SDCCAG8: variants seen among roughly 807,000 people sequenced by gnomAD.
SDCCAG8 encodes the protein SHH signaling and ciliogenesis regulator SDCCAG8, also known as serologically defined colon cancer antigen 8.
In SDCCAG8, 74 loss-of-function variants were observed where a neutral mutation model predicts 101.8. The observed-to-expected ratio is 0.73, with a 90% CI of 0.60 to 0.88. The LOEUF is 0.88. Among genes scored for constraint, SDCCAG8 ranks in the 40% least tolerant of loss-of-function variants. SDCCAG8 has a pLI of 0.00. For missense variants in SDCCAG8, 787 were observed against 822.6 expected, an observed-to-expected ratio of 0.96 and a Z score of 0.53; for synonymous variants, 281 against 292.9, an observed-to-expected ratio of 0.96 and a Z score of 0.41.
At chr1:243,294,526 A>AGAGAGAGAGAG (rs1553298249) in intron 6 of SDCCAG8, among the ~76,000 whole-genome samples, 4 of 147,554 alleles carry the variant, frequency 2.7e-5, no homozygotes, top group African/African-American at 2.5e-5. Context: ...AGAGAGAGAG[A>AGAGAGAGAGAG]ACAACCCACC....
chr1:243,406,739 G>T lies in SDCCAG8; in HGVS notation c.1617-8963G>T, dbSNP rs144701545. Among the ~76,000 whole-genome samples, 648 of 152,096 alleles carry T rather than the reference G, an allele frequency of 4.3e-3. 7 individuals carry two copies. The highest frequency in any genetic ancestry group is 0.015 in the African/African-American group (620 of 41,494). ...ATAATCTCCCCTCCACCAACTGTGC[G>T]CTGCTGCCCCACAACATATATCCTC... On this transcript the variant is annotated intron_variant, in intron 13 of 17. Coordinates refer to ENST00000366541, the MANE Select transcript of SDCCAG8 (RefSeq NM_006642.5).
intron 16 of SDCCAG8, among the ~76,000 whole-genome samples, chr1:243,440,187 G>T (rs568292370): frequency 6.6e-6 from 1 of 152,184 alleles, no homozygotes; most frequent in East Asian, 1.9e-4. Flanking sequence ...CACCTCATAG[G>T]GTTATGAGGC....
intron 15 of SDCCAG8, among the ~76,000 whole-genome samples, chr1:243,423,007 T>C (rs1177358871): frequency 6.6e-6 from 1 of 152,124 alleles, no homozygotes; most frequent in Non-Finnish European, 1.5e-5. Flanking sequence ...AAGTTTACTC[T>C]TTGAGCTTTG....
At chr1:243,358,475 G>T (rs183859461) in intron 12 of SDCCAG8, among the ~76,000 whole-genome samples, 1 of 152,126 alleles carries the variant, frequency 6.6e-6, no homozygotes, top group East Asian at 1.9e-4. Context: ...TGTCGGTGAG[G>T]ATGTAGAGAA....
intron 12 of SDCCAG8, among the ~76,000 whole-genome samples, chr1:243,357,806 A>G (rs932410458): frequency 6.6e-6 from 1 of 152,334 alleles, no homozygotes; most frequent in Non-Finnish European, 1.5e-5. Context: ...TTTACAGTCA[A>G]TTGATTTTCA....
In SDCCAG8 at chr1:243,439,665, C is replaced by CACACACACAT. The variant is rs1160954571; in HGVS notation, c.1985+13108_1985+13109insCACACACATA. Among the ~76,000 whole-genome samples the CACACACACAT allele has an allele frequency of 5.3e-5, 8 of 151,428 alleles. No homozygotes were observed. The East Asian group carries it at 1.2e-3, about 22-fold the overall frequency. Reference sequence around the variant, plus strand: ...ACACACACACACACACACACACACACATCATTGGAGCTATTCTGTAGAGAT... The same window carrying CACACACACAT: ...ACACACACACACACACACACACACACACACACACATATCATTGGAGCTATTCTGTAGAGAT... On this transcript the variant is annotated intron_variant, in intron 16 of 17. Coordinates refer to ENST00000366541, the MANE Select transcript of SDCCAG8 (RefSeq NM_006642.5).
chr1:243,375,214 C>T (rs767774701), intron 12 of SDCCAG8, among the ~76,000 whole-genome samples: 5 of 151,962 alleles, frequency 3.3e-5, no homozygotes, highest in Admixed American at 6.6e-5. Flanking sequence ...TAAGAAATAG[C>T]AGTATAAGTT....
At chr1:243,330,405 A>C (rs1255548441) in intron 9 of SDCCAG8, 135 bp from the exon 10 acceptor site, 1 of 809,486 alleles carries the variant, frequency 1.2e-6, no homozygotes, top group Non-Finnish European at 2.0e-6. Context: ...GTATTGATAA[A>C]CAATAAAAAA....
chr1:243,486,376 G>A (rs778470909), intron 16 of SDCCAG8, among the ~76,000 whole-genome samples: 2 of 152,186 alleles, frequency 1.3e-5, no homozygotes, highest in African/African-American at 2.4e-5. Flanking sequence ...GTGCTTCTGT[G>A]TGTGGACATC....
At position 243,260,985 on chromosome 1, in the gene SDCCAG8, A is replaced by G. The variant is rs148023945; in HGVS notation, c.67+4745A>G. On this transcript the variant is annotated intron_variant, in intron 1 of 17. Coordinates refer to ENST00000366541, the MANE Select transcript of SDCCAG8 (RefSeq NM_006642.5). Reference sequence around the variant, plus strand: ...ACTGTTCTTGGATTCCCGTTTCCTCAACTGTAAAACGAAAAGTTTGGACTG... The same window carrying G: ...ACTGTTCTTGGATTCCCGTTTCCTCGACTGTAAAACGAAAAGTTTGGACTG... 6.8e-4 allele frequency among the ~76,000 whole-genome samples: 104 copies of G among 152,226 alleles called. No homozygotes were observed. The East Asian group carries it at 0.018, about 26-fold the overall frequency.
intron 17 of SDCCAG8, among the ~76,000 whole-genome samples, chr1:243,491,793 C>T (rs141899518): frequency 3.3e-4 from 50 of 152,302 alleles, no homozygotes; most frequent in Non-Finnish European, 4.7e-4. Context: ...CCTGGAGTGG[C>T]CTGTGGGTCC....
At position 243,445,571 on chromosome 1, in the gene SDCCAG8, G is replaced by A. The variant is rs531699492; in HGVS notation, c.1985+19013G>A. Reference sequence around the variant, plus strand: ...GGTCAAAAAATACATGACAGGTGATGGATATGTGGGGCTGAGGCATATTTT... The same window carrying A: ...GGTCAAAAAATACATGACAGGTGATAGATATGTGGGGCTGAGGCATATTTT... On this transcript the variant is annotated intron_variant, in intron 16 of 17. Transcript: ENST00000366541. 8.5e-5 allele frequency among the ~76,000 whole-genome samples: 13 copies of A among 152,298 alleles called. No homozygotes were observed. The South Asian group carries it at 2.7e-3, about 32-fold the overall frequency.
chr1:243,322,034 G>A (rs1465479674), intron 9 of SDCCAG8, among the ~76,000 whole-genome samples: 1 of 152,200 alleles, frequency 6.6e-6, no homozygotes, highest in Non-Finnish European at 1.5e-5. Context: ...ATCCCTTGGG[G>A]TATATACCCA....
At chr1:243,453,235 G>A (rs1006672809) in intron 16 of SDCCAG8, among the ~76,000 whole-genome samples, 8 of 152,128 alleles carry the variant, frequency 5.3e-5, no homozygotes, top group African/African-American at 1.9e-4. Context: ...TGGCACTCAG[G>A]TGGGCATCTG....
At chr1:243,396,805 A>G (rs2079061978) in intron 13 of SDCCAG8, among the ~76,000 whole-genome samples, 1 of 152,208 alleles carries the variant, frequency 6.6e-6, no homozygotes, top group African/African-American at 2.4e-5. Context: ...TTTGACTCCA[A>G]ATTATTGTCT....
intron 13 of SDCCAG8, among the ~76,000 whole-genome samples, chr1:243,385,158 G>A (rs956987050): frequency 6.6e-6 from 1 of 152,160 alleles, no homozygotes; most frequent in Non-Finnish European, 1.5e-5. Context: ...GGAGGCTGAG[G>A]CGGGCAGGTC....
chr1:243,489,133 G>A lies in SDCCAG8; in HGVS notation c.2105G>A (p.Arg702Gln), dbSNP rs2148267381. ...CTGTCGGAAGAGGTGGACCGGCTGC[G>A]GACCCAGGTACTGTGCAGAACGCGG... ...QSLSEEVDRL[R>Q]TQLPSMPQSD... The change falls in exon 17 of 18, where the codon CGG (arginine) becomes CAG (glutamine). Residue 702 changes from arginine to glutamine, a missense_variant. Physicochemically the swap from Arg to Gln is conservative, Grantham distance 43. Transcript: ENST00000366541. 6.2e-7 allele frequency: 1 copy of A among 1,612,264 alleles called. No homozygotes were observed. The highest frequency in any genetic ancestry group is 8.5e-7 in the Non-Finnish European group (1 of 1,179,870).
At chr1:243,364,705 A>G (rs1355993714) in intron 12 of SDCCAG8, among the ~76,000 whole-genome samples, 4 of 152,202 alleles carry the variant, frequency 2.6e-5, no homozygotes, top group African/African-American at 9.7e-5. Flanking sequence ...TTTAGTTTGA[A>G]CTGGAAAAAC....
intron 12 of SDCCAG8, among the ~76,000 whole-genome samples, chr1:243,354,929 A>G (rs780067919): frequency 1.8e-4 from 27 of 152,202 alleles, no homozygotes; most frequent in South Asian, 4.1e-4. Flanking sequence ...GTTCAGTATG[A>G]GACAGACCAC....
Sources: allele counts gnomAD v4.1 joint callset (sites outside exome capture counted in the v4.1 genomes callset), GRCh38; gene constraint gnomAD v4.1.1; transcripts MANE v1.5; gene names NCBI Gene and HGNC (gene_info 2026-07-23, HGNC 2026-07-21).